The following FAM174C variants were observed in gnomAD, a reference collection of about 807,000 sequenced individuals.
FAM174C encodes protein FAM174C.
In FAM174C, 19 loss-of-function variants were observed where a neutral mutation model predicts 12.3. The ratio of observed to expected loss-of-function variants is 1.55; its 90% CI spans 1.08 to 2.27. FAM174C has a LOEUF of 2.27. FAM174C is among the 30% of genes most tolerant of loss of function. The pLI, the probability that FAM174C is intolerant of heterozygous loss-of-function variation, is 0.00. For synonymous variants in FAM174C, 147 were observed against 103.5 expected, an observed-to-expected ratio of 1.42 and a Z score of -2.55; for missense variants, 239 against 190.2, an observed-to-expected ratio of 1.26 and a Z score of -1.51.
Position 1,275,840 on chromosome 19 carries a change from G to C in FAM174C, c.281+10G>C. The C allele has an allele frequency of 2.0e-6, 3 of 1,534,580 alleles. No individual in the cohort carries two copies. Among genetic ancestry groups the C allele is most frequent in the Non-Finnish European group, 2.6e-6 (3 of 1,145,784 alleles). On this transcript the variant is annotated intron_variant, in intron 1 of 2. Transcript: ENST00000409293. ...TGATCCGGGCGTTTAGGTGCGTCAG[G>C]CGCACGTGGGCGCCGTCTCTCAGCC...
intron 1 of FAM174C, chr19:1,276,531 C>T (rs931453786): frequency 2.0e-5 from 3 of 152,392 alleles, no homozygotes; most frequent in South Asian, 2.0e-4. Flanking sequence ...CCCATCACCA[C>T]CCTGGCAAAG....
chr19:1,277,686 C>T (rs1328095998), intron 2 of FAM174C, among the ~76,000 whole-genome samples: 1 of 152,180 alleles, frequency 6.6e-6, no homozygotes, highest in Non-Finnish European at 1.5e-5. Flanking sequence ...GTTGGCCAGG[C>T]TGGGTTCCAG....
At chr19:1,278,127 C>G (rs578223246) in intron 2 of FAM174C, among the ~76,000 whole-genome samples, 3 of 152,256 alleles carry the variant, frequency 2.0e-5, no homozygotes, top group Non-Finnish European at 2.9e-5. Context: ...GTAGTGGTTG[C>G]TCCATCTGGG....
In FAM174C at chr19:1,278,769, G is replaced by T. The variant is rs1408195314; in HGVS notation, c.*-8G>T. 1 of 1,612,300 alleles carries T rather than the reference G, an allele frequency of 6.2e-7. No homozygotes were observed. The highest frequency in any genetic ancestry group is 8.5e-7 in the Non-Finnish European group (1 of 1,179,804). ...CCTTCCCTCTCACCCTTGACCCCCTGCTTTCAGATGCTGAGCCAGGGAGGC... is the reference window on the plus strand; with the variant it reads ...CCTTCCCTCTCACCCTTGACCCCCTTCTTTCAGATGCTGAGCCAGGGAGGC... On this transcript the variant is annotated splice_polypyrimidine_tract_variant and splice_region_variant and intron_variant, in intron 2 of 2. Coordinates refer to ENST00000409293, the MANE Select transcript of FAM174C (RefSeq NM_017914.4).
chr19:1,276,256 C>G (rs1291792053), intron 1 of FAM174C: 2 of 192,854 alleles, frequency 1.0e-5, no homozygotes, highest in Non-Finnish European at 2.2e-5. Context: ...ATTTTCCTTT[C>G]TGCTTCTACC....
intron 1 of FAM174C, 118 bp downstream of exon 1, chr19:1,275,948 C>T (rs2081412338): frequency 2.0e-6 from 2 of 984,484 alleles, no homozygotes; most frequent in Non-Finnish European, 1.5e-6. Flanking sequence ...CCCTCTCTCC[C>T]TGTTGGAGTG....
intron 1 of FAM174C, chr19:1,276,190 C>G: frequency 3.6e-6 from 1 of 275,804 alleles, no homozygotes; most frequent in Non-Finnish European, 6.9e-6. Context: ...TCGCCGGATG[C>G]CCGTCCTCGT....
Position 1,279,089 on chromosome 19 carries a change from C to A in FAM174C, c.*312C>A. 6.2e-7 allele frequency: 1 copy of A among 1,612,686 alleles called. No individual in the cohort carries two copies. Among genetic ancestry groups the A allele is most frequent in the East Asian group, 2.2e-5 (1 of 44,894 alleles). On this transcript the variant is annotated 3_prime_UTR_variant, in exon 3 of 3. Coordinates refer to ENST00000409293, the MANE Select transcript of FAM174C (RefSeq NM_017914.4). ...AGGACGCTGAGGCTCCCTTGCCTGACTGTGACTTGTGCCTCTCTCCTGCCC... is the reference window on the plus strand; with the variant it reads ...AGGACGCTGAGGCTCCCTTGCCTGAATGTGACTTGTGCCTCTCTCCTGCCC...
Position 1,278,826 on chromosome 19 carries a change from G to A in FAM174C, c.*49G>A, listed in dbSNP as rs1203918869. On this transcript the variant is annotated 3_prime_UTR_variant, in exon 3 of 3. Transcript: ENST00000409293. ...TCCAGCAGCCATGAGGGAAGGACAGGAGATGGGGCCCACCCCAGTGCCCAG... is the reference window on the plus strand; with the variant it reads ...TCCAGCAGCCATGAGGGAAGGACAGAAGATGGGGCCCACCCCAGTGCCCAG... The A allele has an allele frequency of 6.2e-7, 1 of 1,612,966 alleles. No homozygotes were observed. Among genetic ancestry groups the A allele is most frequent in the African/African-American group, 1.3e-5 (1 of 74,924 alleles).
At chr19:1,276,738 A>T in intron 1 of FAM174C, 1 of 156,438 alleles carries the variant, frequency 6.4e-6, no homozygotes, top group East Asian at 1.9e-4. Flanking sequence ...CCTGTGCTCC[A>T]CACCTCTTCC....
chr19:1,277,235 C>T lies in FAM174C; in HGVS notation c.334C>T (p.Pro112Ser). The change falls in exon 2 of 3, where the codon CCC (proline) becomes TCC (serine). Residue 112 changes from proline to serine, a missense_variant. By Grantham distance (74) the Pro-to-Ser change is moderately conservative. Transcript: ENST00000409293. ...CGGCCTCCTCGCCAACACTGAGGAC[C>T]CCACGGAGATGGCCTCGCTGGACAG... ...RYGLLANTED[P>S]TEMASLDSDE... is the part of the protein sequence containing the mutation. The T allele has an allele frequency of 6.5e-7, 1 of 1,549,796 alleles. No homozygotes were observed. Among genetic ancestry groups the T allele is most frequent in the Non-Finnish European group, 8.7e-7 (1 of 1,146,014 alleles).
rs1568849775 is a variant in FAM174C, at chr19:1,278,766, C to T, written c.*-11C>T. 5 of 1,612,330 alleles carry T rather than the reference C, an allele frequency of 3.1e-6. No homozygotes were observed. The highest frequency in any genetic ancestry group is 2.2e-5 in the East Asian group (1 of 44,880). ...ACTCCTTCCCTCTCACCCTTGACCCCCTGCTTTCAGATGCTGAGCCAGGGA... is the reference window on the plus strand; with the variant it reads ...ACTCCTTCCCTCTCACCCTTGACCCTCTGCTTTCAGATGCTGAGCCAGGGA... On this transcript the variant is annotated splice_polypyrimidine_tract_variant and intron_variant, in intron 2 of 2. Coordinates refer to ENST00000409293, the MANE Select transcript of FAM174C (RefSeq NM_017914.4).
intron 1 of FAM174C, chr19:1,276,222 C>T (rs1019754015): frequency 3.5e-5 from 8 of 229,170 alleles, no homozygotes; most frequent in Non-Finnish European, 6.9e-5. Context: ...CGCCTGCCGC[C>T]AGGCCTTTCC....
rs1395843865 is a variant in FAM174C, at chr19:1,275,764, G to T, written c.215G>T (p.Arg72Leu). The change falls in exon 1 of 3, where the codon CGC becomes CTC. Residue 72 changes from arginine (R) to leucine (L), a missense_variant. Transcript: ENST00000409293. ...GGGGCGTCGGGCTCGGCGCTGACGC[G>T]CTCCTTCTACGTGATCCTGGGCTTC... ...PPGASGSALT[R>L]SFYVILGFCG... 4.5e-6 allele frequency: 7 copies of T among 1,538,668 alleles called. No individual in the cohort carries two copies. The highest frequency in any genetic ancestry group is 5.2e-6 in the Non-Finnish European group (6 of 1,145,872).
chr19:1,278,749 C>T (rs759008352), intron 2 of FAM174C, 28 bp from the exon 3 acceptor site: 117 of 1,611,392 alleles, frequency 7.3e-5, no homozygotes, highest in Middle Eastern at 1.9e-4. Context: ...TCACTCCTTC[C>T]CTCTCACCCT....
rs775430948 is a variant in FAM174C, at chr19:1,279,004, T to C, written c.*227T>C. On this transcript the variant is annotated 3_prime_UTR_variant, in exon 3 of 3. Transcript: ENST00000409293. ...CCATGCAGCCTCGCCTCCTGGATGCTGTCCCAGCCTGGCCGAGGGTCCCAG... is the reference window on the plus strand; with the variant it reads ...CCATGCAGCCTCGCCTCCTGGATGCCGTCCCAGCCTGGCCGAGGGTCCCAG... The C allele has an allele frequency of 6.2e-7, 1 of 1,611,960 alleles. No individual in the cohort carries two copies. The highest frequency in any genetic ancestry group is 8.5e-7 in the Non-Finnish European group (1 of 1,179,964).
At position 1,279,197 on chromosome 19, in the gene FAM174C, C is replaced by G. The variant is rs751906410; in HGVS notation, c.*420C>G. The G allele has an allele frequency of 1.2e-5, 19 of 1,610,650 alleles. No individual in the cohort carries two copies. In the Admixed American group the frequency reaches 1.5e-4, roughly 13 times the overall value. Reference sequence around the variant, plus strand: ...TTTCTGGGAACACCTTCTCGCCGGGCTGGGAACAATAAATGCAGCCATGTC... The same window carrying G: ...TTTCTGGGAACACCTTCTCGCCGGGGTGGGAACAATAAATGCAGCCATGTC... On this transcript the variant is annotated 3_prime_UTR_variant, in exon 3 of 3. Transcript: ENST00000409293.
chr19:1,278,915 C>T lies in FAM174C; in HGVS notation c.*138C>T, dbSNP rs149273435. The stretch of plus-strand genomic sequence containing the variant: ...GGGGCTGGTCTCACCCAGTGCCAAC[C>T]CGAGAGCTCCTTTTGGAACCTGCAC... On this transcript the variant is annotated 3_prime_UTR_variant, in exon 3 of 3. Transcript: ENST00000409293. 4.3e-6 allele frequency: 7 copies of T among 1,613,254 alleles called. No homozygotes were observed. The highest frequency in any genetic ancestry group is 2.2e-5 in the East Asian group (1 of 44,886).
intron 2 of FAM174C, 22 bp downstream of exon 2, chr19:1,277,321 T>G (rs2081420112): frequency 2.6e-6 from 4 of 1,529,934 alleles, no homozygotes; most frequent in Non-Finnish European, 3.5e-6. Flanking sequence ...TCCCCAGCTC[T>G]GGGGCCTCGG....
Sources: gnomAD v4.1 joint callset for allele counts (sites outside exome capture counted in the v4.1 genomes callset) on GRCh38, gnomAD v4.1.1 for gene constraint, MANE v1.5 for transcripts, NCBI Gene and HGNC (gene_info 2026-07-23, HGNC 2026-07-21) for gene names.